Variants in LIPK observed in about 807,000 individuals in gnomAD.
LIPK encodes the protein lipase family member K.
Under a neutral mutation model 48.6 loss-of-function variants are expected in LIPK, and 32 were observed. The observed-to-expected ratio is 0.66, with a 90% CI of 0.50 to 0.88. LIPK has a LOEUF of 0.88. Ranked by LOEUF, LIPK falls within the 40% of genes least tolerant of loss-of-function variation. The pLI is 0.00. For synonymous variants in LIPK, 164 were observed against 157.4 expected (o/e 1.04, Z -0.32); for missense variants, 507 against 478.5 (o/e 1.06, Z -0.56).
At position 88,745,241 on chromosome 10, in the gene LIPK, C is replaced by T. The variant is rs192611654; in HGVS notation, c.960+1920C>T. ...TTGTCTATGAAAATTTCCCCAACCTCACTAGAGCGGTCAACATTTAAATTT... is the reference window on the plus strand; with the variant it reads ...TTGTCTATGAAAATTTCCCCAACCTTACTAGAGCGGTCAACATTTAAATTT... On this transcript the variant is annotated intron_variant, in intron 9 of 9. Coordinates refer to ENST00000404190, the MANE Select transcript of LIPK (RefSeq NM_001080518.2). Among the ~76,000 whole-genome samples the T allele has an allele frequency of 3.9e-4, 60 of 152,262 alleles. 1 individual carries two copies. In the East Asian group the frequency reaches 7.9e-3, roughly 20 times the overall value.
intron 1 of LIPK, among the ~76,000 whole-genome samples, chr10:88,706,531 T>C (rs1841938371): frequency 6.6e-6 from 1 of 152,152 alleles, no homozygotes; most frequent in South Asian, 2.1e-4. Flanking sequence ...TTCAGAAAGC[T>C]GCAGCATCTA....
chr10:88,724,799 A>C (rs1242275632), intron 2 of LIPK, among the ~76,000 whole-genome samples, 151 bp downstream of exon 2: 1 of 152,206 alleles, frequency 6.6e-6, no homozygotes, highest in African/African-American at 2.4e-5. Flanking sequence ...TGGCTAACTA[A>C]TCCAAGAATT....
Position 88,731,193 on chromosome 10 carries a change from C to A in LIPK, c.422+12C>A. The A allele has an allele frequency of 6.6e-7, 1 of 1,507,404 alleles. No homozygotes were observed. 93.4% of individuals were successfully genotyped at this position (1,507,404 alleles called of 1,614,324 possible). ...TACTGGGCCTTCAGGTAAAGAGAAA[C>A]CTATTAATGAATAAAATGTGTACTT... On this transcript the variant is annotated intron_variant, in intron 4 of 9. Transcript: ENST00000404190.
chr10:88,734,838 G>A (rs773792674), intron 6 of LIPK, among the ~76,000 whole-genome samples: 3 of 152,162 alleles, frequency 2.0e-5, no homozygotes, highest in South Asian at 2.1e-4. Flanking sequence ...ACAACGTTTA[G>A]GTATATTTTT....
intron 1 of LIPK, among the ~76,000 whole-genome samples, chr10:88,724,144 T>C (rs890653778): frequency 7.2e-5 from 11 of 152,332 alleles, no homozygotes; most frequent in Non-Finnish European, 5.9e-5. Flanking sequence ...TGATTAACTC[T>C]ACCATCAGAA....
At position 88,740,005 on chromosome 10, in the gene LIPK, G is replaced by A. The variant is rs749465242; in HGVS notation, c.826G>A (p.Asp276Asn). 4.7e-5 allele frequency: 76 copies of A among 1,611,190 alleles called. 2 individuals carry two copies. In the South Asian group the frequency reaches 8.3e-4, roughly 17 times the overall value. Reference sequence around the variant, plus strand: ...AGTAATCTCTTTGCAGAGTCGCTTGGATGTTTATTTGTCACACAATCCTGC... The same window carrying A: ...AGTAATCTCTTTGCAGAGTCGCTTGAATGTTTATTTGTCACACAATCCTGC... ...DPQNLNMSRL[D>N]VYLSHNPAGT... Residue 276 changes from aspartate to asparagine, a missense_variant, in exon 8 of 10, where the codon GAT becomes AAT. By Grantham distance (23) the Asp-to-Asn change is conservative. Transcript: ENST00000404190.
intron 9 of LIPK, among the ~76,000 whole-genome samples, chr10:88,750,902 C>T (rs1386098589): frequency 6.6e-6 from 1 of 151,922 alleles, no homozygotes; most frequent in Non-Finnish European, 1.5e-5. Context: ...CTCAAAAAAA[C>T]AAAAACAAAA....
chr10:88,747,759 AG>A (rs1371672510), intron 9 of LIPK, among the ~76,000 whole-genome samples: 2 of 152,186 alleles, frequency 1.3e-5, no homozygotes, highest in African/African-American at 4.8e-5. Flanking sequence ...AGGAAACAAT[AG>A]ATGCTGGCGA....
intron 8 of LIPK, among the ~76,000 whole-genome samples, chr10:88,741,481 C>A (rs537214025): frequency 2.0e-5 from 3 of 152,218 alleles, no homozygotes; most frequent in Non-Finnish European, 4.4e-5. Flanking sequence ...CCACCTCAGC[C>A]TACCAGAGTG....
In LIPK at chr10:88,732,492, G is replaced by A. The variant is rs1368498321; in HGVS notation, c.610G>A (p.Val204Ile). 1 of 1,613,748 alleles carries A rather than the reference G, an allele frequency of 6.2e-7. No homozygotes were observed. Among genetic ancestry groups the A allele is most frequent in the Non-Finnish European group, 8.5e-7 (1 of 1,179,786 alleles). The stretch of plus-strand genomic sequence containing the variant: ...TTTTGCACTGGCTCCAGTTGTCACA[G>A]TTAAATACACCCAAAGTCCTATGAA... ...IFFALAPVVT[V>I]KYTQSPMKKL... is the part of the protein sequence containing the mutation. Residue 204 changes from valine to isoleucine, a missense_variant, in exon 6 of 10, where the codon GTT (valine) becomes ATT (isoleucine). Coordinates refer to ENST00000404190, the MANE Select transcript of LIPK (RefSeq NM_001080518.2).
At chr10:88,713,726 A>T (rs958538676) in intron 1 of LIPK, among the ~76,000 whole-genome samples, 3 of 152,112 alleles carry the variant, frequency 2.0e-5, no homozygotes, top group Non-Finnish European at 4.4e-5. Context: ...GGATTACCTG[A>T]GGTCAGGTGT....
At chr10:88,752,230 T>C (rs1485605702) in intron 9 of LIPK, among the ~76,000 whole-genome samples, 2 of 152,176 alleles carry the variant, frequency 1.3e-5, no homozygotes, top group African/African-American at 4.8e-5. Context: ...ACTAGAAAGA[T>C]GATCCCCCAT....
At chr10:88,721,797 A>G (rs979302427) in intron 1 of LIPK, among the ~76,000 whole-genome samples, 1 of 152,236 alleles carries the variant, frequency 6.6e-6, no homozygotes, top group Non-Finnish European at 1.5e-5. Flanking sequence ...AGCAGAAATG[A>G]GACCATGTTA....
Position 88,743,250 on chromosome 10 carries a change from G to A in LIPK, c.889G>A (p.Ala297Thr). Residue 297 changes from alanine (A) to threonine (T), a missense_variant and splice_region_variant, in exon 9 of 10, where the codon GCT becomes ACT. Physicochemically the swap from Ala to Thr is moderately conservative, Grantham distance 58. Coordinates refer to ENST00000404190, the MANE Select transcript of LIPK (RefSeq NM_001080518.2). ...SVQNMLHWAQAVNSGQLQAFD... is the reference protein window; with the variant it reads ...SVQNMLHWAQTVNSGQLQAFD... ...TTTTAACGTGCTTATTTTATTTTAG[G>A]CTGTTAATTCTGGTCAGCTCCAAGC... is the stretch of plus-strand genomic sequence containing the variant. The A allele has an allele frequency of 6.3e-7, 1 of 1,576,678 alleles. No homozygotes were observed.
chr10:88,751,717 G>T (rs1157525946), intron 9 of LIPK, among the ~76,000 whole-genome samples: 2 of 152,146 alleles, frequency 1.3e-5, no homozygotes, highest in African/African-American at 4.8e-5. Context: ...GAATACGGTT[G>T]TCTCTTGTGA....
At chr10:88,727,252 CT>C (rs757195367) in intron 3 of LIPK, among the ~76,000 whole-genome samples, 21 of 152,210 alleles carry the variant, frequency 1.4e-4, no homozygotes, top group Non-Finnish European at 2.8e-4. Flanking sequence ...CCCTCACCTT[CT>C]ACATGCAACC....
At chr10:88,731,346 G>T (rs1245943491) in intron 4 of LIPK, among the ~76,000 whole-genome samples, 165 bp downstream of exon 4, 1 of 152,176 alleles carries the variant, frequency 6.6e-6, no homozygotes, top group Non-Finnish European at 1.5e-5. Context: ...AGGCTCTAAA[G>T]AACTGCCATT....
intron 2 of LIPK, among the ~76,000 whole-genome samples, chr10:88,725,064 T>A (rs1012554821): frequency 1.3e-5 from 2 of 152,212 alleles, no homozygotes; most frequent in African/African-American, 4.8e-5. Context: ...CATTCAGGAA[T>A]TCATATCAGA....
rs150049352 is a variant in LIPK at position 88,711,671 on chromosome 10, T to A, written c.-12+5351T>A. ...TGAATTTTTAGTAGAGATGGGGTTT[T>A]ACCATGTTGGCCAGGTGGGTCTTGA... On this transcript the variant is annotated intron_variant, in intron 1 of 9. Coordinates refer to ENST00000404190, the MANE Select transcript of LIPK (RefSeq NM_001080518.2). 4.8e-3 allele frequency among the ~76,000 whole-genome samples: 730 copies of A among 152,168 alleles called. 8 individuals are homozygous for A. The highest frequency in any genetic ancestry group is 0.017 in the African/African-American group (700 of 41,536).
Sources: allele counts gnomAD v4.1 joint callset (sites outside exome capture counted in the v4.1 genomes callset), GRCh38; gene constraint gnomAD v4.1.1; transcripts MANE v1.5; gene names NCBI Gene and HGNC (gene_info 2026-07-23, HGNC 2026-07-21).